Variants in GRM4 observed in about 807,000 individuals in gnomAD.
The protein encoded by GRM4 is metabotropic glutamate receptor 4.
In GRM4, 28 loss-of-function variants were observed where a neutral mutation model predicts 81.7. That is an observed-to-expected ratio of 0.34 (90% CI 0.25 to 0.47). The LOEUF (loss-of-function observed/expected upper bound fraction) is 0.47. GRM4 is among the 20% of genes least tolerant of loss of function. The pLI is 1.00. For missense variants in GRM4, 948 were observed against 1,290.0 expected, an observed-to-expected ratio of 0.73 and a Z score of 4.06; for synonymous variants, 488 against 528.8, an observed-to-expected ratio of 0.92 and a Z score of 1.06.
chr6:34,127,364 G>A (rs1770062620), intron 2 of GRM4, among the ~76,000 whole-genome samples: 1 of 152,216 alleles, frequency 6.6e-6, no homozygotes, highest in Admixed American at 6.5e-5. Flanking sequence ...CAAAGGCCCT[G>A]CAGTTGGAAA....
intron 6 of GRM4, among the ~76,000 whole-genome samples, chr6:34,043,901 C>T (rs1165573303): frequency 1.3e-5 from 2 of 152,116 alleles, no homozygotes; most frequent in South Asian, 2.1e-4. Context: ...GTCACAGCAG[C>T]GTGGACTTCT....
rs919773213 is a variant in GRM4 at position 34,074,237 on chromosome 6, G to A, written c.737-12209C>T. 2.0e-5 allele frequency among the ~76,000 whole-genome samples: 3 copies of A among 152,186 alleles called. No homozygotes were observed. The highest frequency in any genetic ancestry group is 4.4e-5 in the Non-Finnish European group (3 of 68,028). ...TCCCATCTCAACCACCTACTGCTTC[G>A]TGATGAAAGCCACGTTGCCCACTCT... On this transcript the variant is annotated intron_variant, in intron 3 of 10. Transcript: ENST00000538487. The surrounding 1 kb of genome is among the most constrained non-coding windows in gnomAD (Gnocchi z 4.9).
In GRM4 at chr6:34,093,034, C is replaced by A. The variant is rs912454059; in HGVS notation, c.520-935G>T. On this transcript the variant is annotated intron_variant, in intron 2 of 10. Transcript: ENST00000538487. ...TTGGCCCACAGGGACACTCCTCTTT[C>A]CTGTGTGCCCTCTGCCCGCTCAGTT... 2.6e-5 allele frequency among the ~76,000 whole-genome samples: 4 copies of A among 152,320 alleles called. No individual in the cohort carries two copies. In the East Asian group the frequency reaches 7.7e-4, roughly 29 times the overall value.
intron 2 of GRM4, among the ~76,000 whole-genome samples, chr6:34,099,651 G>A (rs536170515): frequency 6.6e-6 from 1 of 152,290 alleles, no homozygotes; most frequent in South Asian, 2.1e-4. Context: ...AGGTTAGAGT[G>A]ACCCAGACAG....
rs1764938226 is a variant in GRM4, at chr6:34,040,286, A to G, written c.1398T>C (p.Asn466=). ...SGIAGNPVTF[N]ENGDAPGRYD... is the part of the protein sequence containing the mutation. ...AGCGCCCAGGCGCATCTCCATTCTC[A>G]TTGAAGGTCACAGGGTTCCCTGCGA... The change falls in exon 8 of 11, where the codon AAT becomes AAC. Residue 466 remains asparagine (N), a synonymous_variant. Transcript: ENST00000538487. The G allele has an allele frequency of 1.2e-6, 2 of 1,613,776 alleles. No homozygotes were observed. The highest frequency in any genetic ancestry group is 1.3e-5 in the African/African-American group (1 of 74,932).
At position 34,020,538 on chromosome 6, in the gene GRM4, C is replaced by A. The variant is rs974179018; in HGVS notation, c.*2283G>T. On this transcript the variant is annotated 3_prime_UTR_variant, in exon 11 of 11. Transcript: ENST00000538487. Reference sequence around the variant, plus strand: ...TCCCCATCCCTACCCCCCACCCCCCCACCCCCAACTGCCCTGGAAGCTTTT... The same window carrying A: ...TCCCCATCCCTACCCCCCACCCCCCAACCCCCAACTGCCCTGGAAGCTTTT... 7.1e-6 allele frequency: 1 copy of A among 141,712 alleles called. No individual in the cohort carries two copies. Among genetic ancestry groups the A allele is most frequent in the Admixed American group, 6.9e-5 (1 of 14,468 alleles). The allele number at this position is 141,712 out of a possible 1,614,324, so 8.8% of individuals were successfully genotyped here.
At chr6:34,045,162 T>TG (rs1219851209) in intron 6 of GRM4, among the ~76,000 whole-genome samples, 2 of 151,432 alleles carry the variant, frequency 1.3e-5, no homozygotes, top group Non-Finnish European at 2.9e-5. Flanking sequence ...AGGGGAGGGG[T>TG]GGGGGATACT....
intron 2 of GRM4, chr6:34,103,978 G>T (rs1227458466): frequency 3.8e-6 from 2 of 527,496 alleles, no homozygotes; most frequent in Non-Finnish European, 5.5e-6. Flanking sequence ...CTCATGCACA[G>T]CCTCCCTTGG....
intron 3 of GRM4, among the ~76,000 whole-genome samples, chr6:34,073,988 C>T (rs1301388026): frequency 3.9e-5 from 6 of 152,300 alleles, no homozygotes; most frequent in Admixed American, 6.5e-5. Flanking sequence ...ATTCATGGAG[C>T]GGCTCTGTGG....
At position 34,095,870 on chromosome 6, in the gene GRM4, G is replaced by T. The variant is rs149528312; in HGVS notation, c.520-3771C>A. Among the ~76,000 whole-genome samples, 836 of 152,316 alleles carry T rather than the reference G, an allele frequency of 5.5e-3. 9 individuals are homozygous for T. Among genetic ancestry groups the T allele is most frequent in the Middle Eastern group, 0.014 (4 of 294 alleles). Reference sequence around the variant, plus strand: ...GCCAGGGGCCGCCACAGGTGGGCAGGGAGCCACGTCTGCGTCTAAGCAGGT... The same window carrying T: ...GCCAGGGGCCGCCACAGGTGGGCAGTGAGCCACGTCTGCGTCTAAGCAGGT... On this transcript the variant is annotated intron_variant, in intron 2 of 10. Transcript: ENST00000538487.
upstream of GRM4, among the ~76,000 whole-genome samples, chr6:34,149,341 G>A (rs1458573661): frequency 6.6e-6 from 1 of 152,160 alleles, no homozygotes; most frequent in African/African-American, 2.4e-5. Context: ...TTTCAATTTT[G>A]GTTTCCCCTA....
chr6:34,133,582 C>A lies in GRM4; in HGVS notation c.-86G>T. 6.7e-7 allele frequency: 1 copy of A among 1,487,240 alleles called. No individual in the cohort carries two copies. The highest frequency in any genetic ancestry group is 8.9e-7 in the Non-Finnish European group (1 of 1,126,682). 92.1% of individuals were successfully genotyped at this position (1,487,240 alleles called of 1,614,324 possible). ...GCCCCACGGCCTGGGTGGGCATGGG[C>A]AGGGCAGCTTCAGCAGCAGGGGGAC... On this transcript the variant is annotated 5_prime_UTR_variant, in exon 2 of 11. Coordinates refer to ENST00000538487, the MANE Select transcript of GRM4 (RefSeq NM_000841.4). This position sits in a 1 kb window ranked among gnomAD's most constrained non-coding sequence, Gnocchi z 6.5.
chr6:34,030,663 G>A (rs1334966897), intron 9 of GRM4, among the ~76,000 whole-genome samples: 1 of 152,182 alleles, frequency 6.6e-6, no homozygotes, highest in Non-Finnish European at 1.5e-5. Context: ...TCAGTTTAAG[G>A]TCCTTCTGCC....
intron 3 of GRM4, among the ~76,000 whole-genome samples, chr6:34,087,840 A>ACACACACACACACACACACC (rs749810547): frequency 6.7e-6 from 1 of 149,918 alleles, no homozygotes; most frequent in Admixed American, 6.6e-5. Context: ...ACACACACAC[A>ACACACACACACACACACACC]CGTCCTGGCC....
intron 1 of GRM4, among the ~76,000 whole-genome samples, chr6:34,139,580 A>G (rs1417428029): frequency 4.6e-5 from 7 of 152,102 alleles, no homozygotes; most frequent in South Asian, 2.1e-4. Flanking sequence ...AACCTCTCTC[A>G]TGTTAACAAT....
At chr6:34,100,266 C>T (rs75356096) in intron 2 of GRM4, among the ~76,000 whole-genome samples, 2,342 of 152,342 alleles carry the variant, frequency 0.015, 40 homozygotes, top group African/African-American at 0.044. Flanking sequence ...CTCCTCCCCC[C>T]GGTCTGGAGA....
chr6:34,128,368 T>C (rs1220890028), intron 2 of GRM4, among the ~76,000 whole-genome samples: 1 of 151,492 alleles, frequency 6.6e-6, no homozygotes, highest in Non-Finnish European at 1.5e-5. Context: ...TAACTCTTTT[T>C]TTTTTCTTTT....
chr6:34,038,890 G>A (rs1764848437), intron 8 of GRM4, among the ~76,000 whole-genome samples: 1 of 152,234 alleles, frequency 6.6e-6, no homozygotes. Context: ...GGAAAATGGG[G>A]ATAACTGCCT....
intron 5 of GRM4, among the ~76,000 whole-genome samples, chr6:34,058,523 T>C (rs892873044): frequency 9.9e-5 from 15 of 152,150 alleles, no homozygotes; most frequent in Non-Finnish European, 1.8e-4. Context: ...CCTCACTCTC[T>C]GTGAGGTTCT....
Sources: gnomAD v4.1 joint callset for allele counts (sites outside exome capture counted in the v4.1 genomes callset) on GRCh38, gnomAD v4.1.1 for gene constraint, Gnocchi (gnomAD v3.1) non-coding constraint, MANE v1.5 for transcripts, NCBI Gene and HGNC (gene_info 2026-07-23, HGNC 2026-07-21) for gene names.